Variants in SLFN11 observed in about 807,000 individuals in gnomAD.
SLFN11 encodes the protein schlafen family member 11.
A neutral mutation model predicts 53.4 loss-of-function variants in SLFN11; 43 were observed. The ratio of observed to expected loss-of-function variants is 0.80; its 90% CI spans 0.63 to 1.04. SLFN11 has a LOEUF of 1.04. Ranked by LOEUF, SLFN11 falls within the 50% of genes least tolerant of loss-of-function variation. The pLI is 0.00. For synonymous variants in SLFN11, 389 were observed against 394.7 expected, an observed-to-expected ratio of 0.99 and a Z score of 0.17; for missense variants, 990 against 1,079.1, an observed-to-expected ratio of 0.92 and a Z score of 1.16.
At chr17:35,357,643 A>T (rs1325885613) in intron 5 of SLFN11, among the ~76,000 whole-genome samples, 1 of 148,962 alleles carries the variant, frequency 6.7e-6, no homozygotes, top group African/African-American at 2.4e-5. Flanking sequence ...GTATTTCCAG[A>T]TCCTACATTC....
chr17:35,355,245 C>CAA (rs531818292), intron 5 of SLFN11, among the ~76,000 whole-genome samples: 104 of 152,064 alleles, frequency 6.8e-4, no homozygotes, highest in African/African-American at 2.4e-3. Context: ...TCAAAGAGGT[C>CAA]AAGTGAGAGC....
At position 35,351,394 on chromosome 17, in the gene SLFN11, A is replaced by C. The variant is rs980543179; in HGVS notation, c.*962T>G. On this transcript the variant is annotated 3_prime_UTR_variant, in exon 7 of 7. Transcript: ENST00000685675. ...TTTGGGGGTGAAGGGTGGGACACAA[A>C]CATTCAGTCCATAACAATGGCCCAC... 1 of 152,214 alleles carries C rather than the reference A, an allele frequency of 6.6e-6. No homozygotes were observed. The highest frequency in any genetic ancestry group is 1.5e-5 in the Non-Finnish European group (1 of 68,064). The allele number at this position is 152,214 out of a possible 1,614,324, so 9.4% of individuals were successfully genotyped here.
chr17:35,368,868 G>A (rs1199934720), intron 1 of SLFN11, among the ~76,000 whole-genome samples: 1 of 152,058 alleles, frequency 6.6e-6, no homozygotes, highest in African/African-American at 2.4e-5. Flanking sequence ...CTATCTCCTG[G>A]ACAACATTTC....
chr17:35,352,275 G>A lies in SLFN11; in HGVS notation c.*81C>T. On this transcript the variant is annotated 3_prime_UTR_variant, in exon 7 of 7. Coordinates refer to ENST00000685675, the MANE Select transcript of SLFN11 (RefSeq NM_001376007.1). Reference sequence around the variant, plus strand: ...TCAGCTCCGTCCAAATCTCTGACTTGTGAACTAAAAAGAAAGGTTTCTACC... The same window carrying A: ...TCAGCTCCGTCCAAATCTCTGACTTATGAACTAAAAAGAAAGGTTTCTACC... 1 of 1,522,240 alleles carries A rather than the reference G, an allele frequency of 6.6e-7. No individual in the cohort carries two copies. The highest frequency in any genetic ancestry group is 8.9e-7 in the Non-Finnish European group (1 of 1,120,576). 94.3% of individuals were successfully genotyped at this position (1,522,240 alleles called of 1,614,324 possible).
chr17:35,352,920 G>A lies in SLFN11; in HGVS notation c.2142C>T (p.Gly714=). ...YFQTSHLDCS[G]LPPLSDQYPR... The stretch of plus-strand genomic sequence containing the variant: ...GATATTGGTCTGAGAGAGGAGGGAG[G>A]CCACTGCAATCCAAGTGGCTGGTCT... The change falls in exon 7 of 7, where the codon GGC becomes GGT. Residue 714 remains glycine, a synonymous_variant. Coordinates refer to ENST00000685675, the MANE Select transcript of SLFN11 (RefSeq NM_001376007.1). 1 of 1,614,158 alleles carries A rather than the reference G, an allele frequency of 6.2e-7. No individual in the cohort carries two copies. Among genetic ancestry groups the A allele is most frequent in the South Asian group, 1.1e-5 (1 of 91,084 alleles).
At position 35,360,298 on chromosome 17, in the gene SLFN11, C is replaced by T; in HGVS notation, c.1143G>A (p.Val381=). The T allele has an allele frequency of 6.2e-7, 1 of 1,610,184 alleles. No individual in the cohort carries two copies. The highest frequency in any genetic ancestry group is 8.5e-7 in the Non-Finnish European group (1 of 1,178,830). ...TATGTTCCAGGCCTTTCTTGGAGTA[C>T]ACTGGTCTGCTAAGGGGAGGCCCAC... ...LSSGPPLSRP[V]YSKKGLEHKK... is the part of the protein sequence containing the mutation. The change falls in exon 5 of 7, where the codon GTG becomes GTA. Residue 381 remains valine, a synonymous_variant. Transcript: ENST00000685675.
chr17:35,365,217 A>T (rs1233538895), intron 3 of SLFN11, among the ~76,000 whole-genome samples: 1 of 152,138 alleles, frequency 6.6e-6, no homozygotes, highest in Non-Finnish European at 1.5e-5. Flanking sequence ...CCCTTCTGAT[A>T]GCTTCACTTT....
At position 35,355,700 on chromosome 17, in the gene SLFN11, C is replaced by T. The variant is rs368641831; in HGVS notation, c.1199-1641G>A. ...TTCATTTCTTTGATATTCCACATAACAGTAATGATAGGGACCAGACTAGGT... is the reference window on the plus strand; with the variant it reads ...TTCATTTCTTTGATATTCCACATAATAGTAATGATAGGGACCAGACTAGGT... On this transcript the variant is annotated intron_variant, in intron 5 of 6. Transcript: ENST00000685675. Among the ~76,000 whole-genome samples, 8 of 152,172 alleles carry T rather than the reference C, an allele frequency of 5.3e-5. No individual in the cohort carries two copies. In the South Asian group the frequency reaches 8.3e-4, roughly 16 times the overall value.
At chr17:35,366,410 A>G (rs1368841005) in intron 3 of SLFN11, among the ~76,000 whole-genome samples, 2 of 152,156 alleles carry the variant, frequency 1.3e-5, no homozygotes, top group Non-Finnish European at 2.9e-5. Context: ...ATTGTAAAAA[A>G]TCAGTACAAT....
intron 5 of SLFN11, among the ~76,000 whole-genome samples, chr17:35,354,846 A>C (rs1907262098): frequency 6.6e-6 from 1 of 152,014 alleles, no homozygotes; most frequent in Non-Finnish European, 1.5e-5. Context: ...CCAAATCAAG[A>C]TTTGTAGTGG....
Position 35,360,387 on chromosome 17 carries a change from T to A in SLFN11, c.1070-16A>T, listed in dbSNP as rs758534699. ...TGTAGAAGATCTTAAGAAAGAAAAT[T>A]CATGTTATTCTGACGTGTTAATCTC... On this transcript the variant is annotated splice_polypyrimidine_tract_variant and intron_variant, in intron 4 of 6. Transcript: ENST00000685675. The A allele has an allele frequency of 1.3e-6, 2 of 1,593,338 alleles. No homozygotes were observed. Among genetic ancestry groups the A allele is most frequent in the Middle Eastern group, 1.7e-4 (1 of 6,000 alleles).
chr17:35,369,218 G>A (rs1005016829), intron 1 of SLFN11, among the ~76,000 whole-genome samples: 1 of 152,138 alleles, frequency 6.6e-6, no homozygotes, highest in Non-Finnish European at 1.5e-5. Flanking sequence ...ACCTGGGCCA[G>A]AGGGGAGTCC....
chr17:35,357,434 C>G (rs1328192521), intron 5 of SLFN11, among the ~76,000 whole-genome samples: 1 of 151,638 alleles, frequency 6.6e-6, no homozygotes, highest in African/African-American at 2.4e-5. Flanking sequence ...ATGTTTTCTT[C>G]TAGAACTTTT....
chr17:35,362,049 A>T (rs1245638968), intron 4 of SLFN11, among the ~76,000 whole-genome samples: 1 of 152,118 alleles, frequency 6.6e-6, no homozygotes, highest in African/African-American at 2.4e-5. Flanking sequence ...AAGCAACCCC[A>T]GAAAGCAGTA....
rs1003657099 is a variant in SLFN11, at chr17:35,350,324, AC to A, written c.*2031del. ...AGACCATTTTTTTCAGTTTAATGAG[AC>A]ACAAACTCTCAACTTTTTATTTAAA... On this transcript the variant is annotated 3_prime_UTR_variant, in exon 7 of 7. Transcript: ENST00000685675. 3 of 152,122 alleles carry A rather than the reference AC, an allele frequency of 2.0e-5. No homozygotes were observed. The highest frequency in any genetic ancestry group is 4.8e-5 in the African/African-American group (2 of 41,416). 9.4% of individuals were successfully genotyped at this position (152,122 alleles called of 1,614,324 possible). A position where few individuals can be genotyped will look rare whatever the true frequency, so the allele number is the denominator to read the frequency against.
chr17:35,361,852 C>T (rs1449478610), intron 4 of SLFN11, among the ~76,000 whole-genome samples: 1 of 151,998 alleles, frequency 6.6e-6, no homozygotes, highest in African/African-American at 2.4e-5. Flanking sequence ...TCAAGCAATT[C>T]TTCTGCTTCA....
chr17:35,371,030 G>T (rs533267860), intron 1 of SLFN11, among the ~76,000 whole-genome samples: 1 of 152,098 alleles, frequency 6.6e-6, no homozygotes, highest in South Asian at 2.1e-4. Flanking sequence ...GAAGCAAAAA[G>T]AACAAAACTG....
At chr17:35,369,183 C>T (rs955535222) in intron 1 of SLFN11, among the ~76,000 whole-genome samples, 14 of 152,002 alleles carry the variant, frequency 9.2e-5, no homozygotes, top group African/African-American at 3.4e-4. Context: ...AACAAGTAGG[C>T]CCTTGGACAG....
intron 3 of SLFN11, among the ~76,000 whole-genome samples, chr17:35,364,866 A>G (rs896701691): frequency 2.6e-5 from 4 of 152,144 alleles, no homozygotes; most frequent in African/African-American, 9.7e-5. Context: ...GAGGTAAGGA[A>G]ATAGTATCAT....
Sources: gnomAD v4.1 joint callset for allele counts (sites outside exome capture counted in the v4.1 genomes callset) on GRCh38, gnomAD v4.1.1 for gene constraint, MANE v1.5 for transcripts, NCBI Gene and HGNC (gene_info 2026-07-23, HGNC 2026-07-21) for gene names.